The following ABCC9 variants were observed in gnomAD, a reference collection of about 807,000 sequenced individuals.
The protein encoded by ABCC9 is ATP binding cassette subfamily C member 9.
Under a neutral mutation model 188.3 loss-of-function variants are expected in ABCC9, and 95 were observed. The observed-to-expected ratio is 0.50, with a 90% CI of 0.43 to 0.60. The LOEUF (loss-of-function observed/expected upper bound fraction) is 0.60. Ranked by LOEUF, ABCC9 falls within the 20% of genes least tolerant of loss-of-function variation. ABCC9 has a pLI of 0.00. For synonymous variants in ABCC9, 659 were observed against 652.7 expected, an observed-to-expected ratio of 1.01 and a Z score of -0.15; for missense variants, 1,102 against 1,876.3, an observed-to-expected ratio of 0.59 and a Z score of 7.62.
Position 21,814,212 on chromosome 12 carries a change from A to G in ABCC9, c.4102+432T>C, listed in dbSNP as rs541270146. Among the ~76,000 whole-genome samples, 8 of 152,312 alleles carry G rather than the reference A, an allele frequency of 5.3e-5. No individual in the cohort carries two copies. In the South Asian group the frequency reaches 1.7e-3, roughly 32 times the overall value. On this transcript the variant is annotated intron_variant, in intron 35 of 39. Coordinates refer to ENST00000261200, the MANE Select transcript of ABCC9 (RefSeq NM_020297.4). ...ATTAAGCAATGTTATTAAGCAGATG[A>G]TGGTAAGAGTCATGTACCAAAATTT...
In ABCC9 at chr12:21,844,883, A is replaced by G. The variant is rs753767796; in HGVS notation, c.3129T>C (p.Cys1043=). Residue 1043 remains cysteine (C), a synonymous_variant, in exon 27 of 40, where the codon TGT becomes TGC. Coordinates refer to ENST00000261200, the MANE Select transcript of ABCC9 (RefSeq NM_020297.4). ...TYYVAGFSIL[C]GAGIFLCLVT... ...CAAGGCAAAGGAAAATGCCTGCTCC[A>G]CAGAGTATGCTAAAGCCAGCCACAT... The G allele has an allele frequency of 1.2e-6, 2 of 1,613,924 alleles. No homozygotes were observed. Among genetic ancestry groups the G allele is most frequent in the South Asian group, 1.1e-5 (1 of 91,074 alleles).
intron 21 of ABCC9, among the ~76,000 whole-genome samples, chr12:21,860,648 A>G (rs1352962959): frequency 2.0e-5 from 3 of 152,200 alleles, no homozygotes; most frequent in Non-Finnish European, 4.4e-5. Context: ...ATGGAAAGTA[A>G]TCTTAGTTTC....
chr12:21,838,798 C>T (rs1263878917), intron 29 of ABCC9, among the ~76,000 whole-genome samples: 1 of 152,128 alleles, frequency 6.6e-6, no homozygotes, highest in Non-Finnish European at 1.5e-5. Context: ...CTTTGAGAGG[C>T]TGAGGCAGGT....
At chr12:21,932,176 T>A (rs1255048200) in intron 4 of ABCC9, among the ~76,000 whole-genome samples, 1 of 152,082 alleles carries the variant, frequency 6.6e-6, no homozygotes, top group Non-Finnish European at 1.5e-5. Context: ...TTTGTTACTA[T>A]ATGAGAAAAA....
chr12:21,852,555 A>G (rs748123935), intron 22 of ABCC9, 50 bp from the exon 23 acceptor site: 105 of 1,594,294 alleles, frequency 6.6e-5, no homozygotes, highest in East Asian at 2.2e-4. Flanking sequence ...TACTTGTTAC[A>G]TAACTCAATT....
chr12:21,886,446 CT>C (rs1181313320), intron 15 of ABCC9, among the ~76,000 whole-genome samples: 1 of 151,990 alleles, frequency 6.6e-6, no homozygotes, highest in Non-Finnish European at 1.5e-5. Context: ...ATTTGATCTC[CT>C]TTTTTCACAA....
chr12:21,892,197 A>C (rs911884972), intron 14 of ABCC9, among the ~76,000 whole-genome samples: 28 of 152,156 alleles, frequency 1.8e-4, no homozygotes, highest in African/African-American at 5.5e-4. Flanking sequence ...TCCATCCTCC[A>C]CTGTACTAGG....
chr12:21,801,942 G>GC (rs1291257909), intron 39 of ABCC9, among the ~76,000 whole-genome samples: 8 of 152,116 alleles, frequency 5.3e-5, no homozygotes, highest in African/African-American at 1.9e-4. Flanking sequence ...ATAGTAAGTA[G>GC]CAGAACCAGT....
chr12:21,842,613 T>C, intron 28 of ABCC9, 142 bp from the exon 29 acceptor site: 1 of 800,786 alleles, frequency 1.2e-6, no homozygotes, highest in African/African-American at 1.7e-5. Context: ...TAAGCAATTC[T>C]TCACTCACTT....
chr12:21,836,487 G>A (rs1944103301), intron 30 of ABCC9, among the ~76,000 whole-genome samples: 1 of 151,922 alleles, frequency 6.6e-6, no homozygotes, highest in African/African-American at 2.4e-5. Flanking sequence ...TCTATCTCCT[G>A]TATCTGCCAG....
At chr12:21,861,847 C>T (rs548120667) in intron 20 of ABCC9, among the ~76,000 whole-genome samples, 83 of 152,110 alleles carry the variant, frequency 5.5e-4, no homozygotes, top group Non-Finnish European at 9.3e-4. Flanking sequence ...TGTGAGTGGG[C>T]GCCCTTCCAC....
chr12:21,802,159 A>G (rs779266068), intron 39 of ABCC9, among the ~76,000 whole-genome samples: 2 of 152,194 alleles, frequency 1.3e-5, no homozygotes, highest in Non-Finnish European at 2.9e-5. Flanking sequence ...TATACTTAAC[A>G]TTGTATAGTT....
At chr12:21,932,893 A>G (rs1949342922) in intron 4 of ABCC9, among the ~76,000 whole-genome samples, 2 of 151,704 alleles carry the variant, frequency 1.3e-5, no homozygotes, top group Non-Finnish European at 1.5e-5. Flanking sequence ...GGGTAATGGG[A>G]ATATAAATCA....
chr12:21,822,315 G>GT (rs558814236), intron 31 of ABCC9, among the ~76,000 whole-genome samples: 2,136 of 141,198 alleles, frequency 0.015, 22 homozygotes, highest in South Asian at 0.066. Context: ...GCTAAAAACT[G>GT]TTTTTTTTTT....
chr12:21,805,934 A>G, intron 39 of ABCC9, 64 bp downstream of exon 39: 3 of 1,488,330 alleles, frequency 2.0e-6, no homozygotes, highest in Non-Finnish European at 2.8e-6. Flanking sequence ...GCTAAAACCT[A>G]AAGATGATAA....
rs191542104 is a variant in ABCC9, at chr12:21,911,958, C to T, written c.1011+914G>A. On this transcript the variant is annotated intron_variant, in intron 8 of 39. Transcript: ENST00000261200. ...GTGAACACAAATATGAATGGCTCAC[C>T]GTAATTGTTTCATAAGCTTACAACC... 5.3e-5 allele frequency among the ~76,000 whole-genome samples: 8 copies of T among 151,876 alleles called. 1 individual carries two copies. The highest frequency in any genetic ancestry group is 5.9e-5 in the Non-Finnish European group (4 of 67,864).
chr12:21,923,902 T>A (rs1198720668), intron 5 of ABCC9: 1 of 687,268 alleles, frequency 1.5e-6, no homozygotes, highest in South Asian at 1.6e-5. Context: ...GAAAAAACTA[T>A]GATATAGTTA....
chr12:21,859,754 T>A (rs1945411704), intron 21 of ABCC9, 88 bp from the exon 22 acceptor site: 1 of 1,116,222 alleles, frequency 9.0e-7, no homozygotes, highest in Admixed American at 1.7e-5. Context: ...AACGTCTTTT[T>A]AAAAATCTTA....
intron 12 of ABCC9, among the ~76,000 whole-genome samples, chr12:21,902,851 C>A (rs1245263796): frequency 6.6e-6 from 1 of 152,156 alleles, no homozygotes; most frequent in Admixed American, 6.5e-5. Flanking sequence ...CAGCTGAATT[C>A]TACCAGAGGT....
Sources: allele counts gnomAD v4.1 joint callset (sites outside exome capture counted in the v4.1 genomes callset), GRCh38; gene constraint gnomAD v4.1.1; transcripts MANE v1.5; gene names NCBI Gene and HGNC (gene_info 2026-07-23, HGNC 2026-07-21).